The following CEP44 variants were observed in gnomAD, a reference collection of about 807,000 sequenced individuals.
CEP44 encodes the protein centrosomal protein 44.
Under a neutral mutation model 46.7 loss-of-function variants are expected in CEP44, and 45 were observed. The observed-to-expected ratio is 0.96, with a 90% confidence interval of 0.76 to 1.24. The LOEUF (loss-of-function observed/expected upper bound fraction) is 1.24. CEP44 is among the 50% of genes most tolerant of loss of function. The pLI is 0.00. For missense variants in CEP44, 475 were observed against 459.7 expected (o/e 1.03, Z -0.30); for synonymous variants, 142 against 146.0 (o/e 0.97, Z 0.20).
chr4:174,321,388 T>G (rs1275377737), downstream of CEP44, among the ~76,000 whole-genome samples: 1 of 152,090 alleles, frequency 6.6e-6, no homozygotes, highest in African/African-American at 2.4e-5. Flanking sequence ...GTGCATTTAG[T>G]TAAATGATTT....
downstream of CEP44, among the ~76,000 whole-genome samples, chr4:174,321,524 A>G (rs1455128573): frequency 6.6e-6 from 1 of 152,204 alleles, no homozygotes; most frequent in African/African-American, 2.4e-5. Flanking sequence ...AGCATGCACA[A>G]TTCATACCAT....
At chr4:174,320,691 T>TGTGG (rs1742243509), downstream of CEP44, among the ~76,000 whole-genome samples, 1 of 135,282 alleles carries the variant, frequency 7.4e-6, no homozygotes, top group African/African-American at 3.1e-5. Flanking sequence ...GCTCTGTGTG[T>TGTGG]GTGTGTGTGT....
Position 174,319,537 on chromosome 4 carries a change from C to T in CEP44, c.*2154C>T. ...GTCTCTTTCTACCCTTTCTTTTTTT[C>T]TTTATATAGTGCAGATATACACACA... On this transcript the variant is annotated 3_prime_UTR_variant, in exon 12 of 12. Transcript: ENST00000503780. 1 of 850,910 alleles carries T rather than the reference C, an allele frequency of 1.2e-6. No individual in the cohort carries two copies. The highest frequency in any genetic ancestry group is 1.4e-6 in the Non-Finnish European group (1 of 707,770). 52.7% of individuals were successfully genotyped at this position (850,910 alleles called of 1,614,324 possible).
rs1731190291 is a variant in CEP44 at position 174,329,334 on chromosome 4, A to G, written c.1087-2148A>G. Among the ~76,000 whole-genome samples the G allele has an allele frequency of 6.8e-6, 1 of 147,456 alleles. No individual in the cohort carries two copies. The highest frequency in any genetic ancestry group is 2.1e-4 in the South Asian group (1 of 4,714). ...AAGCCCTTTGCTCAAACACAGACACACACACAGACACACACACACACACAC... is the reference window on the plus strand; with the variant it reads ...AAGCCCTTTGCTCAAACACAGACACGCACACAGACACACACACACACACAC... On this transcript the variant is annotated intron_variant, in intron 8 of 8. Coordinates refer to the CEP44 transcript ENST00000426172. This position sits in a 1 kb window ranked among gnomAD's most constrained non-coding sequence, Gnocchi z 4.0.
chr4:174,323,309 C>G (rs1302406418), downstream of CEP44, among the ~76,000 whole-genome samples: 1 of 152,014 alleles, frequency 6.6e-6, no homozygotes, highest in Non-Finnish European at 1.5e-5. Flanking sequence ...AGGTTTTCCC[C>G]CCTCATGTTT....
downstream of CEP44, among the ~76,000 whole-genome samples, chr4:174,323,311 C>T (rs889604946): frequency 3.3e-5 from 5 of 150,312 alleles, no homozygotes; most frequent in African/African-American, 1.3e-4. Context: ...GTTTTCCCCC[C>T]TCATGTTTCT....
intron 2 of CEP44, 124 bp from the exon 3 acceptor site, chr4:174,298,948 C>CG (rs1395557016): frequency 7.2e-5 from 39 of 542,104 alleles, no homozygotes; most frequent in Non-Finnish European, 1.1e-4. Context: ...AGAAGAAGCT[C>CG]GGGGAAAAAG....
Position 174,286,621 on chromosome 4 carries a change from C to T in CEP44, c.-148+2678C>T, listed in dbSNP as rs1737613864. Among the ~76,000 whole-genome samples the T allele has an allele frequency of 6.6e-6, 1 of 152,188 alleles. No individual in the cohort carries two copies. The highest frequency in any genetic ancestry group is 2.4e-5 in the African/African-American group (1 of 41,446). On this transcript the variant is annotated intron_variant, in intron 1 of 11. Transcript: ENST00000503780. This position sits in a 1 kb window ranked among gnomAD's most constrained non-coding sequence, Gnocchi z 5.2. ...CTTTTATAGTTCAGAAACTTACCTCCTTCCAGCAAAGGTTCTTAATCGTTT... is the reference window on the plus strand; with the variant it reads ...CTTTTATAGTTCAGAAACTTACCTCTTTCCAGCAAAGGTTCTTAATCGTTT...
Position 174,299,161 on chromosome 4 carries a change from G to C in CEP44, c.40G>C (p.Glu14Gln). 1 of 1,613,804 alleles carries C rather than the reference G, an allele frequency of 6.2e-7. No homozygotes were observed. Among genetic ancestry groups the C allele is most frequent in the Non-Finnish European group, 8.5e-7 (1 of 1,179,772 alleles). The change falls in exon 3 of 12, where the codon GAA becomes CAA. Residue 14 changes from glutamate (E) to glutamine (Q), a missense_variant. Glu to Gln is a conservative substitution (Grantham distance 29). Coordinates refer to ENST00000503780, the MANE Select transcript of CEP44 (RefSeq NM_001040157.3). ...GDLKRSLRNL[E>Q]QVLRLLNYPE... The stretch of plus-strand genomic sequence containing the variant: ...CTTAAAAAGAAGCTTACGGAACCTA[G>C]AACAGGTGCTCCGCTTGCTAAATTA...
rs557372562 is a variant in CEP44 at position 174,317,509 on chromosome 4, A to G, written c.*126A>G. 1.7e-6 allele frequency: 2 copies of G among 1,211,828 alleles called. No individual in the cohort carries two copies. The highest frequency in any genetic ancestry group is 3.6e-5 in the South Asian group (1 of 27,476). The allele number at this position is 1,211,828 out of a possible 1,614,324, so 75.1% of individuals were successfully genotyped here. A position where few individuals can be genotyped will look rare whatever the true frequency, so the allele number is the denominator to read the frequency against. On this transcript the variant is annotated 3_prime_UTR_variant, in exon 12 of 12. Coordinates refer to ENST00000503780, the MANE Select transcript of CEP44 (RefSeq NM_001040157.3). ...TTTGACAATTTGGATTCCATTTGGT[A>G]TATGAATTTTTGCATTCATTATTGA... is the stretch of plus-strand genomic sequence containing the variant.
Position 174,331,065 on chromosome 4 carries a change from C to T in CEP44, c.1087-417C>T, listed in dbSNP as rs955602439. On this transcript the variant is annotated intron_variant, in intron 8 of 8. Transcript: ENST00000426172. This position sits in a 1 kb window ranked among gnomAD's most constrained non-coding sequence, Gnocchi z 4.5. ...TTGATATCTACTGATGTCTTTACAC[C>T]CATAAAAGGTATACTTTTCTATAGG... is the stretch of plus-strand genomic sequence containing the variant. Among the ~76,000 whole-genome samples the T allele has an allele frequency of 6.6e-6, 1 of 151,892 alleles. No individual in the cohort carries two copies. The highest frequency in any genetic ancestry group is 1.5e-5 in the Non-Finnish European group (1 of 67,960).
At chr4:174,298,207 G>T (rs577709275) in intron 2 of CEP44, 145 bp downstream of exon 2, 1 of 111,032 alleles carries the variant, frequency 9.0e-6, no homozygotes, top group South Asian at 2.8e-4. Flanking sequence ...ACGGAGTCTC[G>T]CTCTGTCGCC....
rs1379689909 is a variant in CEP44, at chr4:174,286,167, G to T, written c.-148+2224G>T. On this transcript the variant is annotated intron_variant, in intron 1 of 11. Transcript: ENST00000503780. The surrounding 1 kb of genome is among the most constrained non-coding windows in gnomAD (Gnocchi z 5.2). ...AAGGAGACTAGGAACAGAAAGGTAG[G>T]TTCATAAAGAGGGAGCAGTTGCTCT... is the stretch of plus-strand genomic sequence containing the variant. Among the ~76,000 whole-genome samples the T allele has an allele frequency of 6.6e-6, 1 of 152,208 alleles. No homozygotes were observed. The highest frequency in any genetic ancestry group is 2.4e-5 in the African/African-American group (1 of 41,448).
In CEP44 at chr4:174,318,141, G is replaced by T; in HGVS notation, c.*758G>T. ...TGCAATAGCACGATCTTGGCTCACC[G>T]CAACCTCTGCCTACCGGGTTCAAGT... On this transcript the variant is annotated 3_prime_UTR_variant, in exon 12 of 12. Coordinates refer to ENST00000503780, the MANE Select transcript of CEP44 (RefSeq NM_001040157.3). 4.7e-6 allele frequency: 4 copies of T among 852,936 alleles called. No homozygotes were observed. The highest frequency in any genetic ancestry group is 5.6e-6 in the Non-Finnish European group (4 of 709,196). The allele number at this position is 852,936 out of a possible 1,614,324, so 52.8% of individuals were successfully genotyped here.
chr4:174,283,760 G>T, upstream of CEP44: 1 of 397,780 alleles, frequency 2.5e-6, no homozygotes, highest in Non-Finnish European at 4.4e-6. The surrounding 1 kb of genome is among the most constrained non-coding windows in gnomAD (Gnocchi z 6.7). Context: ...TTCTCACTTC[G>T]TAGCACGAGC....
At position 174,318,912 on chromosome 4, in the gene CEP44, C is replaced by T. The variant is rs750617862; in HGVS notation, c.*1529C>T. The T allele has an allele frequency of 2.6e-5, 7 of 264,302 alleles. No individual in the cohort carries two copies. The highest frequency in any genetic ancestry group is 4.1e-5 in the Non-Finnish European group (7 of 171,672). 16.4% of individuals were successfully genotyped at this position (264,302 alleles called of 1,614,324 possible). On this transcript the variant is annotated 3_prime_UTR_variant, in exon 12 of 12. Coordinates refer to ENST00000503780, the MANE Select transcript of CEP44 (RefSeq NM_001040157.3). ...GCACCTTCTGCCTACCGAGTTCAAGCGATTCTTGTGCTTCAGCCTCCTGAG... is the reference window on the plus strand; with the variant it reads ...GCACCTTCTGCCTACCGAGTTCAAGTGATTCTTGTGCTTCAGCCTCCTGAG...
Position 174,318,186 on chromosome 4 carries a change from C to T in CEP44, c.*803C>T, listed in dbSNP as rs755485679. On this transcript the variant is annotated 3_prime_UTR_variant, in exon 12 of 12. Coordinates refer to ENST00000503780, the MANE Select transcript of CEP44 (RefSeq NM_001040157.3). Reference sequence around the variant, plus strand: ...TCAAGTGATTCTTGTGCCTCAGCCTCCTGAGTAGCTGGGATTATAGGCATG... The same window carrying T: ...TCAAGTGATTCTTGTGCCTCAGCCTTCTGAGTAGCTGGGATTATAGGCATG... 2.3e-4 allele frequency: 151 copies of T among 670,534 alleles called. No homozygotes were observed. Among genetic ancestry groups the T allele is most frequent in the Non-Finnish European group, 2.8e-4 (151 of 542,706 alleles). The allele number at this position is 670,534 out of a possible 1,614,324, so 41.5% of individuals were successfully genotyped here.
rs2126639437 is a variant in CEP44, at chr4:174,310,836, T to C, written c.939T>C (p.Ser313=). The C allele has an allele frequency of 6.6e-7, 1 of 1,517,932 alleles. No individual in the cohort carries two copies. 94.0% of individuals were successfully genotyped at this position (1,517,932 alleles called of 1,614,324 possible). The change falls in exon 9 of 12, where the codon AGT becomes AGC. Residue 313 remains serine (S), a synonymous_variant. Coordinates refer to ENST00000503780, the MANE Select transcript of CEP44 (RefSeq NM_001040157.3). This position sits in a 1 kb window ranked among gnomAD's most constrained non-coding sequence, Gnocchi z 4.2. ...NEVSEDYASC[S]DMDLLNPHRK... ...TTAGTGAAGACTACGCTTCTTGTAG[T>C]GACATGGACCTTCTGAATCCTCGTA...
In CEP44 at chr4:174,317,399, CT is replaced by C; in HGVS notation, c.*22del. ...CTACTTGTAGGATTTTCTACATGAA[CT>C]TTTTTCTAGGACTTTGGTTACTATA... On this transcript the variant is annotated 3_prime_UTR_variant, in exon 12 of 12. Coordinates refer to ENST00000503780, the MANE Select transcript of CEP44 (RefSeq NM_001040157.3). 7.1e-7 allele frequency: 1 copy of C among 1,411,164 alleles called. No homozygotes were observed. Among genetic ancestry groups the C allele is most frequent in the Non-Finnish European group, 9.4e-7 (1 of 1,065,534 alleles). The allele number at this position is 1,411,164 out of a possible 1,614,324, so 87.4% of individuals were successfully genotyped here. A position where few individuals can be genotyped will look rare whatever the true frequency, so the allele number is the denominator to read the frequency against.
Sources: allele counts gnomAD v4.1 joint callset (sites outside exome capture counted in the v4.1 genomes callset), GRCh38; gene constraint gnomAD v4.1.1; non-coding constraint Gnocchi (gnomAD v3.1); transcripts MANE v1.5; gene names NCBI Gene and HGNC (gene_info 2026-07-23, HGNC 2026-07-21).